SGCD: variants seen among roughly 807,000 people sequenced by gnomAD.
SGCD encodes the protein sarcoglycan delta.
Under a neutral mutation model 36.6 loss-of-function variants are expected in SGCD, and 18 were observed. That is an observed-to-expected ratio of 0.49 (90% CI 0.34 to 0.73). The LOEUF is 0.73. SGCD is among the 30% of genes least tolerant of loss of function. The pLI is 0.01. For synonymous variants in SGCD, 133 were observed against 130.6 expected, an observed-to-expected ratio of 1.02 and a Z score of -0.12; for missense variants, 387 against 346.7, an observed-to-expected ratio of 1.12 and a Z score of -0.92.
At chr5:155,899,561 G>A (rs759172193) in intron 1 of SGCD, among the ~76,000 whole-genome samples, 1 of 152,218 alleles carries the variant, frequency 6.6e-6, no homozygotes, top group African/African-American at 2.4e-5. Context: ...CCATGTGCTG[G>A]GAATGATATT....
At chr5:155,774,819 G>T in the SGCD span, among the ~76,000 whole-genome samples, 3 of 152,096 alleles carry the variant, frequency 2.0e-5, no homozygotes, top group Non-Finnish European at 4.4e-5. Flanking sequence ...AGGAGGTAAT[G>T]CAGGTCCAGG....
At chr5:155,850,009 T>C in the SGCD span, among the ~76,000 whole-genome samples, 1 of 152,184 alleles carries the variant, frequency 6.6e-6, no homozygotes, top group Admixed American at 6.5e-5. Context: ...TATATAAATA[T>C]CAGGAATAGA....
At position 156,726,270 on chromosome 5, in the gene SGCD, T is replaced by C. The variant is rs530340953; in HGVS notation, c.576-31311T>C. ...AAACTGCCCCCTAAGAATGTTTGTCTCTCCTGAAAATAGCACGGGCATCTG... is the reference window on the plus strand; with the variant it reads ...AAACTGCCCCCTAAGAATGTTTGTCCCTCCTGAAAATAGCACGGGCATCTG... On this transcript the variant is annotated intron_variant, in intron 7 of 8. Coordinates refer to ENST00000337851, the MANE Select transcript of SGCD (RefSeq NM_000337.6). Among the ~76,000 whole-genome samples, 628 of 152,286 alleles carry C rather than the reference T, an allele frequency of 4.1e-3. 2 individuals are homozygous for C. The highest frequency in any genetic ancestry group is 7.0e-3 in the Non-Finnish European group (477 of 68,022).
chr5:156,299,718 C>A (rs1279153239), intron 3 of SGCD, among the ~76,000 whole-genome samples: 1 of 152,008 alleles, frequency 6.6e-6, no homozygotes, highest in African/African-American at 2.4e-5. Context: ...GGATTACTTT[C>A]TTGATTTCTT....
intron 1 of SGCD, among the ~76,000 whole-genome samples, chr5:155,888,721 A>G (rs1245870891): frequency 1.3e-5 from 2 of 152,216 alleles, no homozygotes; most frequent in East Asian, 3.9e-4. Context: ...CTTAGAAGTA[A>G]AGAAAAGGCA....
chr5:156,204,532 G>T (rs1305166171), intron 3 of SGCD, among the ~76,000 whole-genome samples: 2 of 151,368 alleles, frequency 1.3e-5, no homozygotes, highest in Non-Finnish European at 2.9e-5. Context: ...GTGATTTTTT[G>T]ATTGATACTA....
rs1454492718 is a variant in SGCD, at chr5:156,642,485, T to TC, written c.503-4977dup. ...TCTTTTTTTTTTTTTTTTTTTTTTT[T>TC]CCAAGACGGAGTCTTGTTCTGTCTC... On this transcript the variant is annotated intron_variant, in intron 6 of 8. Coordinates refer to ENST00000337851, the MANE Select transcript of SGCD (RefSeq NM_000337.6). Among the ~76,000 whole-genome samples, 42 of 134,388 alleles carry TC rather than the reference T, an allele frequency of 3.1e-4. No homozygotes were observed. In the Middle Eastern group the frequency reaches 0.015, roughly 48 times the overall value. 88.2% of individuals were successfully genotyped at this position (134,388 alleles called of 152,430 possible).
intron 4 of SGCD, among the ~76,000 whole-genome samples, chr5:156,522,481 C>T (rs1757453285): frequency 6.6e-6 from 1 of 151,852 alleles, no homozygotes; most frequent in East Asian, 1.9e-4. Context: ...ACTAACACAG[C>T]AAAGAAAACC....
At chr5:156,242,924 C>A (rs891432436) in intron 3 of SGCD, among the ~76,000 whole-genome samples, 12 of 152,112 alleles carry the variant, frequency 7.9e-5, no homozygotes, top group African/African-American at 2.2e-4. Flanking sequence ...TCAAGGGTAA[C>A]AAAGTTGTTG....
chr5:156,211,554 G>T (rs1198101834), intron 3 of SGCD, among the ~76,000 whole-genome samples: 2 of 150,754 alleles, frequency 1.3e-5, no homozygotes, highest in Non-Finnish European at 2.9e-5. Flanking sequence ...CCTGCAGTGA[G>T]CCGAGATCGT....
At chr5:155,988,432 G>T (rs1014865620) in intron 1 of SGCD, among the ~76,000 whole-genome samples, 1 of 152,122 alleles carries the variant, frequency 6.6e-6, no homozygotes. Flanking sequence ...ACTGGAAATT[G>T]TATCTGTCAC....
At chr5:156,067,648 C>T (rs1392279001) in intron 1 of SGCD, among the ~76,000 whole-genome samples, 1 of 112,116 alleles carries the variant, frequency 8.9e-6, no homozygotes, top group Non-Finnish European at 1.6e-5. Context: ...TCGTGGTGCG[C>T]CGTTTCTTAA....
intron 7 of SGCD, among the ~76,000 whole-genome samples, chr5:156,747,885 G>A (rs1408630712): frequency 6.6e-6 from 1 of 152,072 alleles, no homozygotes; most frequent in Non-Finnish European, 1.5e-5. Context: ...CATTCCACTC[G>A]AAGCTGCCTG....
intron 3 of SGCD, among the ~76,000 whole-genome samples, chr5:156,503,787 G>A (rs1288973236): frequency 6.6e-6 from 1 of 152,028 alleles, no homozygotes; most frequent in African/African-American, 2.4e-5. Flanking sequence ...TAGTACATGA[G>A]GTATAGTGTA....
chr5:155,920,766 G>C (rs1431019064), intron 1 of SGCD, among the ~76,000 whole-genome samples: 1 of 152,074 alleles, frequency 6.6e-6, no homozygotes, highest in African/African-American at 2.4e-5. Flanking sequence ...GAGGACAAAA[G>C]CAATGTCCAG....
At chr5:156,154,409 C>T (rs943551256) in intron 3 of SGCD, among the ~76,000 whole-genome samples, 4 of 151,650 alleles carry the variant, frequency 2.6e-5, no homozygotes, top group African/African-American at 9.8e-5. Flanking sequence ...TACATAATAT[C>T]TGAGAAATAT....
At chr5:156,582,284 G>A (rs115053266) in intron 4 of SGCD, among the ~76,000 whole-genome samples, 1,524 of 152,162 alleles carry the variant, frequency 0.01, 17 homozygotes, top group African/African-American at 0.035. Flanking sequence ...GATCTCATAC[G>A]GGTTTGGGGT....
At chr5:156,584,837 C>G (rs1234000044) in intron 4 of SGCD, among the ~76,000 whole-genome samples, 1 of 152,170 alleles carries the variant, frequency 6.6e-6, no homozygotes, top group Admixed American at 6.5e-5. Context: ...TGAAAACTGA[C>G]AGTTACTGTC....
intron 3 of SGCD, among the ~76,000 whole-genome samples, chr5:156,486,834 G>A (rs1429756975): frequency 6.6e-6 from 1 of 152,060 alleles, no homozygotes; most frequent in African/African-American, 2.4e-5. Flanking sequence ...TGTGCCACTT[G>A]GGGGCCTGGG....
Sources: gnomAD v4.1 joint callset for allele counts (sites outside exome capture counted in the v4.1 genomes callset) on GRCh38, gnomAD v4.1.1 for gene constraint, MANE v1.5 for transcripts, NCBI Gene and HGNC (gene_info 2026-07-23, HGNC 2026-07-21) for gene names.